Variants in RPL31 observed in about 807,000 individuals in gnomAD.
RPL31 encodes the protein large ribosomal subunit protein eL31.
For synonymous variants in RPL31, 51 were observed against 55.0 expected (o/e 0.93, Z 0.32); for missense variants, 95 against 164.0 (o/e 0.58, Z 2.30).
At chr2:101,010,925 A>G (rs749455825), downstream of RPL31, 6 of 1,609,540 alleles carry the variant, frequency 3.7e-6, no homozygotes, top group Admixed American at 1.7e-5. Flanking sequence ...AAGAAAGTCC[A>G]TACCTGGCTC....
downstream of RPL31, among the ~76,000 whole-genome samples, chr2:101,009,110 A>G (rs549423010): frequency 3.3e-5 from 5 of 151,982 alleles, no homozygotes; most frequent in South Asian, 1.0e-3. Context: ...ATGGTTGGGT[A>G]TGGCCGGGTG....
chr2:101,008,550 C>T (rs1558962795), downstream of RPL31, among the ~76,000 whole-genome samples: 1 of 152,170 alleles, frequency 6.6e-6, no homozygotes, highest in Non-Finnish European at 1.5e-5. Context: ...CACAGTGGCT[C>T]CCGCCTGTAA....
downstream of RPL31, chr2:101,008,015 C>A: frequency 6.2e-7 from 1 of 1,613,998 alleles, no homozygotes; most frequent in Non-Finnish European, 8.5e-7. Context: ...TCCCTTTCTG[C>A]CGCCTCTGGA....
Position 101,005,954 on chromosome 2 carries a change from A to G in RPL31, c.234-5A>G. ...ACTTCAGCAACACAATTATGTTTTT[A>G]TTAGGAATGTGCCATACCGAATCCG... On this transcript the variant is annotated splice_region_variant and splice_polypyrimidine_tract_variant and intron_variant, in intron 3 of 4. Transcript: ENST00000264258. 1 of 1,611,136 alleles carries G rather than the reference A, an allele frequency of 6.2e-7. No homozygotes were observed. The highest frequency in any genetic ancestry group is 8.5e-7 in the Non-Finnish European group (1 of 1,179,194).
chr2:101,008,318 A>C (rs1397112538), downstream of RPL31: 9 of 1,440,730 alleles, frequency 6.2e-6, no homozygotes, highest in Non-Finnish European at 8.2e-6. Context: ...CCAGGGTGGA[A>C]GTGTCATTTT....
downstream of RPL31, chr2:101,008,256 G>A (rs1678891919): frequency 2.6e-6 from 4 of 1,541,968 alleles, no homozygotes; most frequent in Non-Finnish European, 3.5e-6. Context: ...GAGTTTTACA[G>A]AACTGGATAA....
downstream of RPL31, chr2:101,007,977 T>C: frequency 6.2e-7 from 1 of 1,614,036 alleles, no homozygotes; most frequent in African/African-American, 1.3e-5. Flanking sequence ...GAAGTGAAGC[T>C]AAAATATGTT....
chr2:101,018,308 G>GTTATAA (rs1679805362), intron 4 of RPL31: 2 of 160,378 alleles, frequency 1.2e-5, no homozygotes, highest in African/African-American at 4.8e-5. Context: ...ATAATGTCAT[G>GTTATAA]TGCTCTTTCA....
chr2:101,004,295 A>C lies in RPL31; in HGVS notation c.233+12A>C. The C allele has an allele frequency of 6.2e-7, 1 of 1,613,456 alleles. No individual in the cohort carries two copies. Among genetic ancestry groups the C allele is most frequent in the Non-Finnish European group, 8.5e-7 (1 of 1,179,760 alleles). On this transcript the variant is annotated intron_variant, in intron 3 of 4. Transcript: ENST00000264258. ...GCCAAAGGAATAAGGTGCTAAAGTT[A>C]TCTGTATTCGAAGGTGAACTTTTGC...
In RPL31 at chr2:101,007,240, G is replaced by C. The variant is rs921218410; in HGVS notation, c.*859G>C. 3 of 152,122 alleles carry C rather than the reference G, an allele frequency of 2.0e-5. No homozygotes were observed. The highest frequency in any genetic ancestry group is 2.9e-5 in the Non-Finnish European group (2 of 68,026). The allele number at this position is 152,122 out of a possible 1,614,324, so 9.4% of individuals were successfully genotyped here. A position where few individuals can be genotyped will look rare whatever the true frequency, so the allele number is the denominator to read the frequency against. On this transcript the variant is annotated 3_prime_UTR_variant, in exon 5 of 5. Transcript: ENST00000264258. The stretch of plus-strand genomic sequence containing the variant: ...GAAAAGGACCAAGTAAATACAAAAA[G>C]TTTCTTATTAAAAAACTTGGAAGCC...
intron 4 of RPL31, chr2:101,018,188 G>C (rs1679795341): frequency 2.8e-6 from 1 of 356,572 alleles, no homozygotes; most frequent in Non-Finnish European, 5.1e-6. Flanking sequence ...TTATGTTTTA[G>C]AATTCAAATT....
downstream of RPL31, among the ~76,000 whole-genome samples, chr2:101,011,845 T>G (rs1679240042): frequency 1.3e-5 from 2 of 152,264 alleles, no homozygotes; most frequent in South Asian, 4.1e-4. Flanking sequence ...TGTAGTGAAA[T>G]CCCATTTTGT....
chr2:101,011,335 C>A, downstream of RPL31: 1 of 1,084,490 alleles, frequency 9.2e-7, no homozygotes, highest in Non-Finnish European at 1.4e-6. Context: ...GGGGATAATT[C>A]ATTGGACGAA....
In RPL31 at chr2:101,017,739, A is replaced by G. The variant is rs1679760950; in HGVS notation, c.347-1259A>G. ...GGTACATCACTTTATCACAGGCAAG[A>G]TAGGGTCAAGTGACAAAAAGGATAA... On this transcript the variant is annotated intron_variant, in intron 4 of 4. Transcript: ENST00000409028. 2.4e-5 allele frequency: 26 copies of G among 1,092,580 alleles called. No homozygotes were observed. In the South Asian group the frequency reaches 3.9e-4, roughly 16 times the overall value. The allele number at this position is 1,092,580 out of a possible 1,614,324, so 67.7% of individuals were successfully genotyped here.
intron 3 of RPL31, 108 bp downstream of exon 3, chr2:101,004,391 G>T: frequency 8.6e-7 from 1 of 1,162,848 alleles, no homozygotes; most frequent in Non-Finnish European, 1.2e-6. Flanking sequence ...GCATGTGGAA[G>T]TATAAAAAAA....
intron 4 of RPL31, among the ~76,000 whole-genome samples, chr2:101,014,546 T>TGAGG (rs1679471931): frequency 6.6e-6 from 1 of 152,250 alleles, no homozygotes; most frequent in African/African-American, 2.4e-5. Flanking sequence ...GTTTTTTCCC[T>TGAGG]GAGGGAGGCT....
chr2:101,014,190 C>T (rs1182930054), intron 4 of RPL31, among the ~76,000 whole-genome samples: 1 of 151,604 alleles, frequency 6.6e-6, no homozygotes, highest in South Asian at 2.1e-4. Context: ...CTTTTAATTT[C>T]GCAAAAGTTT....
At position 101,006,508 on chromosome 2, in the gene RPL31, T is replaced by C; in HGVS notation, c.*127T>C. On this transcript the variant is annotated 3_prime_UTR_variant, in exon 5 of 5. Coordinates refer to ENST00000264258, the MANE Select transcript of RPL31 (RefSeq NM_000993.5). ...ATCATTTGAAGAGCTTTTCCCAAAT[T>C]GATGGCCTGTGCTGCCTTCTCCCCA... 5 of 916,178 alleles carry C rather than the reference T, an allele frequency of 5.5e-6. No homozygotes were observed. Among genetic ancestry groups the C allele is most frequent in the Non-Finnish European group, 8.0e-6 (5 of 624,522 alleles). 56.8% of individuals were successfully genotyped at this position (916,178 alleles called of 1,614,324 possible). A position where few individuals can be genotyped will look rare whatever the true frequency, so the allele number is the denominator to read the frequency against.
At chr2:101,012,796 A>C (rs1303880186) in intron 4 of RPL31, among the ~76,000 whole-genome samples, 1 of 150,936 alleles carries the variant, frequency 6.6e-6, no homozygotes, top group African/African-American at 2.4e-5. Context: ...ACTGAAAATA[A>C]ATCAAAGGCA....
Sources: allele counts gnomAD v4.1 joint callset (sites outside exome capture counted in the v4.1 genomes callset), GRCh38; gene constraint gnomAD v4.1.1; transcripts MANE v1.5; gene names NCBI Gene and HGNC (gene_info 2026-07-23, HGNC 2026-07-21).